ASPHD1: variants seen among roughly 807,000 people sequenced by gnomAD.
The protein encoded by ASPHD1 is aspartate beta-hydroxylase domain-containing protein 1.
A neutral mutation model predicts 28.3 loss-of-function variants in ASPHD1; 20 were observed. The observed-to-expected ratio is 0.71, with a 90% CI of 0.50 to 1.03. The LOEUF (loss-of-function observed/expected upper bound fraction) is 1.03, where lower values mean the gene tolerates loss of function less well. ASPHD1 is among the 50% of genes least tolerant of loss of function. The pLI, the probability that ASPHD1 is intolerant of heterozygous loss-of-function variation, is 0.00. For missense variants in ASPHD1, 479 were observed against 524.1 expected, an observed-to-expected ratio of 0.91 and a Z score of 0.84; for synonymous variants, 240 against 221.2, an observed-to-expected ratio of 1.08 and a Z score of -0.75.
chr16:29,905,174 T>C, intron 2 of ASPHD1: 4 of 484,492 alleles, frequency 8.3e-6, no homozygotes, highest in South Asian at 7.4e-5. Flanking sequence ...AATGAGATAA[T>C]ATTACGTACA....
At chr16:29,906,149 T>A, downstream of ASPHD1, 2 of 126,152 alleles carry the variant, frequency 1.6e-5, no homozygotes, top group Non-Finnish European at 3.4e-5. Flanking sequence ...TTTTTCTTTC[T>A]TTTTTTTTTT....
At chr16:29,910,828 G>T (rs1000236584), downstream of ASPHD1, 104 of 647,266 alleles carry the variant, frequency 1.6e-4, no homozygotes, top group African/African-American at 1.8e-3. Flanking sequence ...ACAGGGATAG[G>T]GTGGCTTGCC....
chr16:29,911,425 G>C, intron 3 of ASPHD1: 1 of 560,006 alleles, frequency 1.8e-6, no homozygotes. Flanking sequence ...ACCTCCCCGG[G>C]GGTCCTGGTG....
At chr16:29,902,821 C>T (rs28517865) in intron 1 of ASPHD1, among the ~76,000 whole-genome samples, 78,074 of 150,670 alleles carry the variant, frequency 0.52, 20,585 homozygotes, top group Non-Finnish European at 0.56. Flanking sequence ...AGCCCTACAC[C>T]TTCTTTTTTA....
intron 2 of ASPHD1, among the ~76,000 whole-genome samples, 159 bp from the exon 3 acceptor site, chr16:29,905,629 G>GAA (rs770029376): frequency 3.8e-4 from 19 of 49,734 alleles, no homozygotes; most frequent in Admixed American, 6.2e-4. Context: ...TCCATCTCAG[G>GAA]AAAAAAAAAA....
Position 29,900,702 on chromosome 16 carries a change from A to C in ASPHD1, c.-270A>C, listed in dbSNP as rs1443201979. ...GAGAGAAAGAAGCTGCCGCGGAGGA[A>C]GACAGGCTGCGGGTTCCCGGGACTG... On this transcript the variant is annotated 5_prime_UTR_variant, in exon 1 of 3. Coordinates refer to ENST00000308748, the MANE Select transcript of ASPHD1 (RefSeq NM_181718.4). 4 of 544,462 alleles carry C rather than the reference A, an allele frequency of 7.3e-6. No homozygotes were observed. The highest frequency in any genetic ancestry group is 3.2e-5 in the East Asian group (1 of 30,796). 33.7% of individuals were successfully genotyped at this position (544,462 alleles called of 1,614,324 possible).
chr16:29,919,851 C>A (rs1437194343), downstream of ASPHD1: 1 of 152,128 alleles, frequency 6.6e-6, no homozygotes, highest in Non-Finnish European at 1.5e-5. Context: ...TTAATAAATA[C>A]TGCTTTAAAA....
rs376342563 is a variant in ASPHD1, at chr16:29,901,128, G to A, written c.157G>A (p.Gly53Ser). ...GGAGCTGGGGGGACAGGGGAACTGG[G>A]GTCCGGAGGACGCCCCAGGCCTCTT... ...GGELGGQGNWGPEDAPGLLAR... is the reference protein window; with the variant it reads ...GGELGGQGNWSPEDAPGLLAR... Residue 53 changes from glycine (G) to serine (S), a missense_variant, in exon 1 of 3, where the codon GGT (glycine) becomes AGT (serine). Gly to Ser is a moderately conservative substitution (Grantham distance 56, BLOSUM62 0). Coordinates refer to ENST00000308748, the MANE Select transcript of ASPHD1 (RefSeq NM_181718.4). This position sits in a 1 kb window ranked among gnomAD's most constrained non-coding sequence, Gnocchi z 5.1. The A allele has an allele frequency of 5.6e-6, 9 of 1,609,028 alleles. No homozygotes were observed. The Middle Eastern group carries it at 6.6e-4, about 118-fold the overall frequency.
downstream of ASPHD1, among the ~76,000 whole-genome samples, chr16:29,910,453 T>C (rs147313829): frequency 3.1e-3 from 471 of 152,166 alleles, 1 homozygote; most frequent in Non-Finnish European, 4.9e-3. Context: ...GCAATCCTCC[T>C]GCCTTAGCTT....
rs1449231864 is a variant in ASPHD1 at position 29,900,959 on chromosome 16, G to A, written c.-13G>A. The A allele has an allele frequency of 6.4e-7, 1 of 1,550,560 alleles. No homozygotes were observed. On this transcript the variant is annotated 5_prime_UTR_variant, in exon 1 of 3. Transcript: ENST00000308748. ...GAAAGGGGAGAGAAAGGAGAGAGGA[G>A]GGTTGGAGGTGCATGAAGGAGGGGA... is the stretch of plus-strand genomic sequence containing the variant.
chr16:29,906,523 T>G, downstream of ASPHD1: 1 of 481,720 alleles, frequency 2.1e-6, no homozygotes. Flanking sequence ...GCTCAGACTG[T>G]GGTGATGTCA....
rs575960795 is a variant in ASPHD1, at chr16:29,918,633, G to C, written c.*63-898G>C. On this transcript the variant is annotated intron_variant and NMD_transcript_variant, in intron 3 of 3. Transcript: ENST00000414952. The stretch of plus-strand genomic sequence containing the variant: ...CTACAGGCACCCACCACCACTCCCA[G>C]CTAATTTTTGTAATTTTTTATTTAT... Among the ~76,000 whole-genome samples, 7 of 151,372 alleles carry C rather than the reference G, an allele frequency of 4.6e-5. No individual in the cohort carries two copies. In the South Asian group the frequency reaches 1.5e-3, roughly 32 times the overall value.
chr16:29,905,148 G>A, intron 2 of ASPHD1, 183 bp downstream of exon 2: 1 of 534,282 alleles, frequency 1.9e-6, no homozygotes, highest in Non-Finnish European at 3.3e-6. Context: ...TCTTCATCAA[G>A]TAACTGCAAG....
intron 3 of ASPHD1, among the ~76,000 whole-genome samples, chr16:29,916,853 C>T (rs1203127437): frequency 6.6e-6 from 1 of 152,172 alleles, no homozygotes; most frequent in Non-Finnish European, 1.5e-5. Flanking sequence ...GAAGGTTTGC[C>T]TGGGCCTAGA....
chr16:29,901,226 G>T lies in ASPHD1; in HGVS notation c.255G>T (p.Gly85=). The part of the protein sequence containing the change: ...LASSALTLLF[G]ALTSLFLWYC... ...CCTCGGCCCTCACCTTGCTCTTCGGGGCCCTCACTTCCCTGTTCCTCTGGT... is the reference window on the plus strand; with the variant it reads ...CCTCGGCCCTCACCTTGCTCTTCGGTGCCCTCACTTCCCTGTTCCTCTGGT... The change falls in exon 1 of 3, where the codon GGG becomes GGT. Residue 85 remains glycine (G), a synonymous_variant. Coordinates refer to ENST00000308748, the MANE Select transcript of ASPHD1 (RefSeq NM_181718.4). This position sits in a 1 kb window ranked among gnomAD's most constrained non-coding sequence, Gnocchi z 5.1. 1 of 1,613,794 alleles carries T rather than the reference G, an allele frequency of 6.2e-7. No individual in the cohort carries two copies. The highest frequency in any genetic ancestry group is 8.5e-7 in the Non-Finnish European group (1 of 1,179,950).
At chr16:29,906,828 G>A, downstream of ASPHD1, 2 of 1,548,608 alleles carry the variant, frequency 1.3e-6, no homozygotes, top group Non-Finnish European at 8.9e-7. Context: ...AAGAGAGAGG[G>A]ACTGGGTCCC....
chr16:29,909,886 A>G (rs1355913411), downstream of ASPHD1, among the ~76,000 whole-genome samples: 1 of 151,808 alleles, frequency 6.6e-6, no homozygotes, highest in Non-Finnish European at 1.5e-5. Flanking sequence ...CCTGACCAAC[A>G]TGGCGAAGTC....
At chr16:29,911,763 G>T in intron 3 of ASPHD1, 7 of 1,594,860 alleles carry the variant, frequency 4.4e-6, no homozygotes, top group Non-Finnish European at 6.0e-6. Context: ...GCAGAAGCAG[G>T]GCTGTGCTGC....
intron 3 of ASPHD1, chr16:29,913,570 G>A (rs940562239): frequency 7.2e-5 from 11 of 152,258 alleles, no homozygotes; most frequent in African/African-American, 2.6e-4. Context: ...GGCTCGGCTG[G>A]GTGGCTCCGG....
Sources: allele counts gnomAD v4.1 joint callset (sites outside exome capture counted in the v4.1 genomes callset), GRCh38; gene constraint gnomAD v4.1.1; non-coding constraint Gnocchi (gnomAD v3.1); transcripts MANE v1.5; gene names NCBI Gene and HGNC (gene_info 2026-07-23, HGNC 2026-07-21).